ZC3H12B: variants seen among roughly 807,000 people sequenced by gnomAD.
ZC3H12B encodes the protein zinc finger CCCH-type containing 12B.
Under a neutral mutation model 43.9 loss-of-function variants are expected in ZC3H12B, and 7 were observed. The observed-to-expected ratio is 0.16, with a 90% confidence interval of 0.09 to 0.30. ZC3H12B has a LOEUF of 0.30. Among genes scored for constraint, ZC3H12B ranks in the 10% least tolerant of loss-of-function variants. The pLI, the probability that ZC3H12B is intolerant of heterozygous loss-of-function variation, is 1.00. For missense variants in ZC3H12B, 475 were observed against 670.2 expected (o/e 0.71, Z 3.22); for synonymous variants, 222 against 241.7 (o/e 0.92, Z 0.76).
chrX:65,067,397 A>T, the ZC3H12B span, among the ~76,000 whole-genome samples: 1 of 110,983 alleles, frequency 9.0e-6, no homozygotes, highest in African/African-American at 3.3e-5. Flanking sequence ...TAGGGGAGGG[A>T]GTTCACCGGC....
the ZC3H12B span, among the ~76,000 whole-genome samples, chrX:65,175,633 G>A: frequency 1.8e-5 from 2 of 112,071 alleles, no homozygotes; most frequent in African/African-American, 6.5e-5. Context: ...CTCTCAGTGA[G>A]ATTAATGCAG....
chrX:65,067,232 C>T, the ZC3H12B span, among the ~76,000 whole-genome samples: 3 of 110,600 alleles, frequency 2.7e-5, no homozygotes, highest in Admixed American at 9.6e-5. Context: ...GCCCAAACAG[C>T]TGCCCCATTT....
chrX:65,310,728 G>A, the ZC3H12B span, among the ~76,000 whole-genome samples: 1 of 111,625 alleles, frequency 9.0e-6, no homozygotes, highest in Non-Finnish European at 1.9e-5. Context: ...GAGGCATCAT[G>A]CTACCTGACT....
chrX:65,267,064 C>G, the ZC3H12B span, among the ~76,000 whole-genome samples: 1 of 110,732 alleles, frequency 9.0e-6, no homozygotes, highest in South Asian at 3.8e-4. Flanking sequence ...GCTTTCACCT[C>G]TGGCTGACAT....
At chrX:65,303,208 A>T in the ZC3H12B span, among the ~76,000 whole-genome samples, 1 of 110,864 alleles carries the variant, frequency 9.0e-6, no homozygotes, top group Non-Finnish European at 1.9e-5. Flanking sequence ...GTCAGGGCTT[A>T]CTTGAGGGTA....
chrX:65,252,684 A>T, the ZC3H12B span, among the ~76,000 whole-genome samples: 1 of 111,709 alleles, frequency 9.0e-6, no homozygotes, highest in Non-Finnish European at 1.9e-5. Context: ...GTCAATTTTT[A>T]AATTGGCCAT....
At chrX:65,397,939 G>T (rs1602380032) in intron 2 of ZC3H12B, among the ~76,000 whole-genome samples, 2 of 111,616 alleles carry the variant, frequency 1.8e-5, no homozygotes, top group Admixed American at 1.9e-4. Context: ...AAATTTGCAG[G>T]ATACAAATTT....
intron 3 of ZC3H12B, among the ~76,000 whole-genome samples, chrX:65,476,555 G>A (rs1020800817): frequency 8.9e-6 from 1 of 111,806 alleles, no homozygotes; most frequent in Admixed American, 9.5e-5. Context: ...CCAGGGAGTA[G>A]AATATTTATG....
chrX:65,084,808 C>T, the ZC3H12B span, among the ~76,000 whole-genome samples: 1 of 112,630 alleles, frequency 8.9e-6, no homozygotes, highest in Non-Finnish European at 1.9e-5. Flanking sequence ...GTTGCACTCT[C>T]GTGTTTCTTG....
At chrX:65,129,255 A>ATG in the ZC3H12B span, among the ~76,000 whole-genome samples, 4 of 89,027 alleles carry the variant, frequency 4.5e-5, no homozygotes, top group African/African-American at 3.0e-4. Flanking sequence ...GTGTGTATAT[A>ATG]TGTATATATA....
the ZC3H12B span, among the ~76,000 whole-genome samples, chrX:65,188,626 T>A: frequency 2.7e-5 from 3 of 110,888 alleles, no homozygotes; most frequent in Admixed American, 1.9e-4. Context: ...TTGTGAGAAA[T>A]GTCAGTTACA....
chrX:65,114,593 C>T, the ZC3H12B span, among the ~76,000 whole-genome samples: 1 of 110,700 alleles, frequency 9.0e-6, no homozygotes, highest in Non-Finnish European at 1.9e-5. Context: ...CATCCCGTTT[C>T]ATTCTTGGTA....
At chrX:65,459,752 T>C (rs932910002) in intron 3 of ZC3H12B, among the ~76,000 whole-genome samples, 1 of 111,702 alleles carries the variant, frequency 9.0e-6, no homozygotes, top group Non-Finnish European at 1.9e-5. Flanking sequence ...GCCAATATCA[T>C]ACTGAATGGG....
intron 3 of ZC3H12B, among the ~76,000 whole-genome samples, chrX:65,460,634 G>C (rs2067727628): frequency 8.9e-6 from 1 of 112,098 alleles, no homozygotes; most frequent in African/African-American, 3.2e-5. Flanking sequence ...AATAAATGGT[G>C]CTGGGAAAAC....
the ZC3H12B span, among the ~76,000 whole-genome samples, chrX:65,129,257 G>A: frequency 2.1e-4 from 18 of 85,977 alleles, no homozygotes; most frequent in East Asian, 3.4e-3. Context: ...GTGTATATAT[G>A]TATATATATA....
the ZC3H12B span, among the ~76,000 whole-genome samples, chrX:65,120,284 G>A: frequency 8.9e-6 from 1 of 111,781 alleles, no homozygotes; most frequent in African/African-American, 3.3e-5. Context: ...CATGAGCATC[G>A]AATGTTCTTC....
the ZC3H12B span, among the ~76,000 whole-genome samples, chrX:65,141,315 T>A: frequency 6.8e-4 from 75 of 110,138 alleles, no homozygotes; most frequent in Middle Eastern, 4.7e-3. Context: ...TGCATTTTTG[T>A]TCAGGAGCAT....
chrX:65,119,494 G>A, the ZC3H12B span, among the ~76,000 whole-genome samples: 1 of 111,063 alleles, frequency 9.0e-6, no homozygotes, highest in East Asian at 2.9e-4. Context: ...TTTTGATGCA[G>A]TTGTTTTTTT....
the ZC3H12B span, among the ~76,000 whole-genome samples, chrX:65,090,911 T>A: frequency 9.0e-6 from 1 of 110,742 alleles, no homozygotes; most frequent in African/African-American, 3.3e-5. Context: ...TCTGGTTGTT[T>A]AAAAAGTGTA....
Sources: allele counts gnomAD v4.1 joint callset (sites outside exome capture counted in the v4.1 genomes callset), GRCh38; gene constraint gnomAD v4.1.1; transcripts MANE v1.5; gene names NCBI Gene and HGNC (gene_info 2026-07-23, HGNC 2026-07-21).